Variants in RSRC2 observed in about 807,000 individuals in gnomAD.
RSRC2 encodes arginine and serine rich coiled-coil 2.
RSRC2 carries 5 observed loss-of-function variants against 61.3 expected under a neutral mutation model. The observed-to-expected ratio is 0.08, with a 90% CI of 0.04 to 0.17. RSRC2 has a LOEUF of 0.17. Ranked by LOEUF, RSRC2 falls within the 10% of genes least tolerant of loss-of-function variation. The pLI, the probability that RSRC2 is intolerant of heterozygous loss-of-function variation, is 1.00. For synonymous variants in RSRC2, 202 were observed against 166.5 expected (o/e 1.21, Z -1.64); for missense variants, 381 against 518.8 (o/e 0.73, Z 2.58).
chr12:122,522,536 C>T lies in RSRC2; in HGVS notation c.7-237G>A, dbSNP rs1052622018. On this transcript the variant is annotated intron_variant, in intron 1 of 9. Transcript: ENST00000331738. ...GACTGATGTATCTTTAATTTTCTAACGATGATTTGTATAACTTTTAAAACA... is the reference window on the plus strand; with the variant it reads ...GACTGATGTATCTTTAATTTTCTAATGATGATTTGTATAACTTTTAAAACA... 1.3e-4 allele frequency: 44 copies of T among 342,438 alleles called. No individual in the cohort carries two copies. In the South Asian group the frequency reaches 2.0e-3, roughly 15 times the overall value. The allele number at this position is 342,438 out of a possible 1,614,324, so 21.2% of individuals were successfully genotyped here. A position where few individuals can be genotyped will look rare whatever the true frequency, so the allele number is the denominator to read the frequency against.
At chr12:122,514,267 T>C (rs1565895339) in intron 6 of RSRC2, among the ~76,000 whole-genome samples, 1 of 57,988 alleles carries the variant, frequency 1.7e-5, no homozygotes, top group Non-Finnish European at 5.0e-5. Context: ...TGTGTGTGTG[T>C]GTGTTTTTTT....
intron 6 of RSRC2, chr12:122,513,883 A>C (rs1464402074): frequency 1.1e-6 from 1 of 893,380 alleles, no homozygotes; most frequent in Non-Finnish European, 1.3e-6. Context: ...CTCTACAAAA[A>C]ATACAAAAAT....
intron 2 of RSRC2, among the ~76,000 whole-genome samples, chr12:122,521,643 A>C (rs1357883869): frequency 1.3e-5 from 2 of 152,240 alleles, no homozygotes; most frequent in South Asian, 4.1e-4. Flanking sequence ...CAGCCTAGAT[A>C]CATCTTTTAA....
chr12:122,509,626 A>G (rs1004112278), intron 7 of RSRC2, among the ~76,000 whole-genome samples: 9 of 152,168 alleles, frequency 5.9e-5, no homozygotes, highest in Non-Finnish European at 8.8e-5. Context: ...TAACCTTAAA[A>G]AGTACTTAAA....
chr12:122,510,634 A>AC (rs1455755297), intron 7 of RSRC2, among the ~76,000 whole-genome samples: 1 of 152,246 alleles, frequency 6.6e-6, no homozygotes, highest in Non-Finnish European at 1.5e-5. Flanking sequence ...GAAACAAGCT[A>AC]CAAAACACTT....
In RSRC2 at chr12:122,505,653, C is replaced by T; in HGVS notation, c.1179G>A (p.Leu393=). 6.2e-7 allele frequency: 1 copy of T among 1,614,112 alleles called. No individual in the cohort carries two copies. The highest frequency in any genetic ancestry group is 1.7e-5 in the Admixed American group (1 of 60,026). The change falls in exon 10 of 10, where the codon CTG becomes CTA. Residue 393 remains leucine (L), a synonymous_variant. Transcript: ENST00000331738. ...SSVDEESYKT[L]KQQEEVFRNL... ...TTCGAAATACTTCTTCCTGCTGCTT[C>T]AGAGTCTTGTAACTTTCTTCATCAA...
chr12:122,514,368 G>A lies in RSRC2; in HGVS notation c.725+737C>T, dbSNP rs768971271. Reference sequence around the variant, plus strand: ...CAACCTCTGCCTCATGGGTTCAAGCGATTCTCGTGCCTCAGCCTCCAGAGT... The same window carrying A: ...CAACCTCTGCCTCATGGGTTCAAGCAATTCTCGTGCCTCAGCCTCCAGAGT... On this transcript the variant is annotated intron_variant, in intron 6 of 9. Transcript: ENST00000331738. Among the ~76,000 whole-genome samples the A allele has an allele frequency of 1.1e-4, 16 of 150,750 alleles. 1 individual carries two copies. The highest frequency in any genetic ancestry group is 4.2e-4 in the South Asian group (2 of 4,792).
At chr12:122,516,032 T>TA (rs370129211) in intron 5 of RSRC2, among the ~76,000 whole-genome samples, 5 of 151,510 alleles carry the variant, frequency 3.3e-5, no homozygotes, top group Non-Finnish European at 7.4e-5. Flanking sequence ...AAAAAGCACT[T>TA]AAAAAAAAAT....
chr12:122,513,783 A>AGTG, intron 6 of RSRC2: 1 of 985,426 alleles, frequency 1.0e-6, no homozygotes, highest in East Asian at 1.1e-4. Flanking sequence ...GCTGCTGTTC[A>AGTG]GCTGCAGTTT....
At chr12:122,511,033 A>T in intron 7 of RSRC2, 76 bp downstream of exon 7, 1 of 1,061,514 alleles carries the variant, frequency 9.4e-7, no homozygotes, top group African/African-American at 1.6e-5. Context: ...AGAATGACAG[A>T]GCAAATCCCT....
chr12:122,519,115 T>A, intron 3 of RSRC2, 86 bp from the exon 4 acceptor site: 1 of 1,047,836 alleles, frequency 9.5e-7, no homozygotes, highest in Non-Finnish European at 1.5e-6. Context: ...AATGTTGTGA[T>A]GCAACATTAG....
intron 5 of RSRC2, among the ~76,000 whole-genome samples, chr12:122,516,953 T>C (rs545961425): frequency 6.6e-6 from 1 of 152,274 alleles, no homozygotes; most frequent in East Asian, 1.9e-4. Context: ...TCGTTGTGAT[T>C]ACAGGTGTAA....
chr12:122,518,307 T>C (rs1304304822), intron 4 of RSRC2, among the ~76,000 whole-genome samples: 2 of 150,322 alleles, frequency 1.3e-5, no homozygotes, highest in Non-Finnish European at 2.9e-5. Flanking sequence ...AAAAAGAAAA[T>C]CTAGGCTGGG....
chr12:122,516,362 G>C (rs932835815), intron 5 of RSRC2, among the ~76,000 whole-genome samples: 2 of 152,090 alleles, frequency 1.3e-5, no homozygotes, highest in Non-Finnish European at 2.9e-5. Flanking sequence ...CACCAATCAA[G>C]ATAAATCTAA....
intron 1 of RSRC2, chr12:122,522,517 T>C (rs760772088): frequency 2.0e-4 from 81 of 406,038 alleles, no homozygotes; most frequent in Non-Finnish European, 3.2e-4. Flanking sequence ...TTTAGACTGA[T>C]GTATCTTTAA....
intron 6 of RSRC2, chr12:122,513,656 A>G (rs938148311): frequency 2.4e-5 from 6 of 247,090 alleles, no homozygotes; most frequent in Non-Finnish European, 3.9e-5. Context: ...TTTCCATACT[A>G]GTTTCAGAAA....
rs1456174579 is a variant in RSRC2, at chr12:122,513,850, G to A, written c.725+1255C>T. 3 of 980,906 alleles carry A rather than the reference G, an allele frequency of 3.1e-6. No individual in the cohort carries two copies. The African/African-American group carries it at 5.3e-5, about 17-fold the overall frequency. 60.8% of individuals were successfully genotyped at this position (980,906 alleles called of 1,614,324 possible). ...AGGTTACACTGTGTTACCAGCCTGG[G>A]CAACATAGGGAGACCCCGTCTTCTC... is the stretch of plus-strand genomic sequence containing the variant. On this transcript the variant is annotated intron_variant, in intron 6 of 9. Coordinates refer to ENST00000331738, the MANE Select transcript of RSRC2 (RefSeq NM_023012.6).
intron 5 of RSRC2, among the ~76,000 whole-genome samples, chr12:122,516,791 C>T (rs7487714): frequency 6.6e-6 from 1 of 152,140 alleles, no homozygotes; most frequent in Non-Finnish European, 1.5e-5. Flanking sequence ...CTTCTGGGCT[C>T]AAGTGATTAT....
chr12:122,507,652 G>C (rs555309389), intron 8 of RSRC2, among the ~76,000 whole-genome samples: 1 of 151,430 alleles, frequency 6.6e-6, no homozygotes, highest in Admixed American at 6.6e-5. Context: ...TGGCAAATAA[G>C]ACTATCATAG....
Sources: allele counts gnomAD v4.1 joint callset (sites outside exome capture counted in the v4.1 genomes callset), GRCh38; gene constraint gnomAD v4.1.1; transcripts MANE v1.5; gene names NCBI Gene and HGNC (gene_info 2026-07-23, HGNC 2026-07-21).